The following SCHIP1 variants were observed in gnomAD, a reference collection of about 807,000 sequenced individuals.
SCHIP1 encodes schwannomin interacting protein 1, also known as schwannomin-interacting protein 1.
In SCHIP1, 8 loss-of-function variants were observed where a neutral mutation model predicts 29.7. That is an observed-to-expected ratio of 0.27 (90% CI 0.16 to 0.49). SCHIP1 has a LOEUF of 0.49. Ranked by LOEUF, SCHIP1 falls within the 20% of genes least tolerant of loss-of-function variation. The pLI is 0.99. For missense variants in SCHIP1, 193 were observed against 294.6 expected (o/e 0.66, Z 2.52); for synonymous variants, 76 against 94.9 (o/e 0.80, Z 1.16).
At chr3:159,709,683 C>A in the SCHIP1 span, among the ~76,000 whole-genome samples, 1 of 152,108 alleles carries the variant, frequency 6.6e-6, no homozygotes, top group Non-Finnish European at 1.5e-5. Context: ...TGCAAAATCC[C>A]AAACACACCC....
At chr3:159,895,050 A>G (rs752468654) in intron 6 of SCHIP1, among the ~76,000 whole-genome samples, 7 of 152,198 alleles carry the variant, frequency 4.6e-5, no homozygotes, top group Non-Finnish European at 8.8e-5. Context: ...CTACAGTGGA[A>G]TCAAGTTCAC....
chr3:159,837,608 G>A (rs935488507), upstream of SCHIP1, among the ~76,000 whole-genome samples: 7 of 152,062 alleles, frequency 4.6e-5, no homozygotes, highest in South Asian at 2.1e-4. Context: ...CTGTAGTCCC[G>A]GCTACTCCGG....
the SCHIP1 span, among the ~76,000 whole-genome samples, chr3:159,823,782 G>C: frequency 6.6e-6 from 1 of 152,100 alleles, no homozygotes. Flanking sequence ...ACCTCCGTAG[G>C]CTTTGAAAGG....
the SCHIP1 span, among the ~76,000 whole-genome samples, chr3:159,395,737 C>A: frequency 3.3e-5 from 5 of 151,540 alleles, no homozygotes; most frequent in African/African-American, 1.2e-4. Flanking sequence ...GCTTTACTTC[C>A]AAGTATGTGG....
chr3:159,628,474 A>G, the SCHIP1 span, among the ~76,000 whole-genome samples: 601 of 152,334 alleles, frequency 3.9e-3, 6 homozygotes, highest in African/African-American at 0.014. Context: ...AGTGATGCAG[A>G]TATTGGATTT....
the SCHIP1 span, among the ~76,000 whole-genome samples, chr3:159,795,202 A>G: frequency 1.3e-5 from 2 of 152,162 alleles, no homozygotes; most frequent in Admixed American, 6.5e-5. Flanking sequence ...GTGACCTTAG[A>G]GCAGGATAGA....
chr3:159,690,875 G>T, the SCHIP1 span, among the ~76,000 whole-genome samples: 3 of 152,152 alleles, frequency 2.0e-5, no homozygotes, highest in Admixed American at 6.5e-5. Flanking sequence ...TTCAGGGGCA[G>T]GTTGTTAAGT....
At chr3:159,809,909 G>A in the SCHIP1 span, among the ~76,000 whole-genome samples, 2 of 152,060 alleles carry the variant, frequency 1.3e-5, no homozygotes, top group Non-Finnish European at 2.9e-5. Flanking sequence ...CAGGAGTATC[G>A]CTTGAGCCCA....
chr3:159,448,054 C>G, the SCHIP1 span, among the ~76,000 whole-genome samples: 1 of 152,100 alleles, frequency 6.6e-6, no homozygotes, highest in East Asian at 1.9e-4. Context: ...TTGGCTGGCA[C>G]AAATAACTTC....
At chr3:159,760,562 A>G in the SCHIP1 span, among the ~76,000 whole-genome samples, 2 of 152,212 alleles carry the variant, frequency 1.3e-5, no homozygotes, top group African/African-American at 4.8e-5. Flanking sequence ...TAGTTTCTTC[A>G]TAGGATCGAG....
chr3:159,866,973 T>C (rs1714698302), intron 2 of SCHIP1, among the ~76,000 whole-genome samples: 1 of 152,158 alleles, frequency 6.6e-6, no homozygotes. Flanking sequence ...AAGACTCTGA[T>C]TCAGTAGATC....
At chr3:159,637,256 A>G in the SCHIP1 span, among the ~76,000 whole-genome samples, 1 of 152,184 alleles carries the variant, frequency 6.6e-6, no homozygotes, top group Non-Finnish European at 1.5e-5. Context: ...AAATGTAGAC[A>G]TAAAAAACAA....
chr3:159,496,440 C>A, the SCHIP1 span, among the ~76,000 whole-genome samples: 1,399 of 152,156 alleles, frequency 9.2e-3, 26 homozygotes, highest in African/African-American at 0.032. Context: ...AAAAAGTAAG[C>A]GAAGGATATG....
chr3:159,388,539 A>G, the SCHIP1 span, among the ~76,000 whole-genome samples: 3 of 152,144 alleles, frequency 2.0e-5, no homozygotes, highest in Admixed American at 6.6e-5. Flanking sequence ...CAAAATTCCT[A>G]CAAATCTTTT....
chr3:159,675,991 C>G, the SCHIP1 span, among the ~76,000 whole-genome samples: 1 of 152,038 alleles, frequency 6.6e-6, no homozygotes, highest in Non-Finnish European at 1.5e-5. Flanking sequence ...ATTAGCCAGG[C>G]GTGGTGGCAG....
At chr3:159,701,692 G>A in the SCHIP1 span, among the ~76,000 whole-genome samples, 2 of 151,786 alleles carry the variant, frequency 1.3e-5, no homozygotes, top group Non-Finnish European at 2.9e-5. Flanking sequence ...CATTTTCCTT[G>A]TAATTTGTCT....
the SCHIP1 span, among the ~76,000 whole-genome samples, chr3:159,642,986 G>A: frequency 6.6e-6 from 1 of 152,036 alleles, no homozygotes; most frequent in South Asian, 2.1e-4. Flanking sequence ...GGGAGGTAAA[G>A]GTGAGTAAGC....
chr3:159,696,230 C>T, the SCHIP1 span, among the ~76,000 whole-genome samples: 1 of 152,226 alleles, frequency 6.6e-6, no homozygotes, highest in African/African-American at 2.4e-5. Flanking sequence ...ACCGTACCAT[C>T]CATCCATGCA....
At chr3:159,381,169 G>T in the SCHIP1 span, among the ~76,000 whole-genome samples, 1 of 152,050 alleles carries the variant, frequency 6.6e-6, no homozygotes, top group Non-Finnish European at 1.5e-5. Context: ...AAAAATACCC[G>T]CTCAAACAAG....
Sources: gnomAD v4.1 joint callset for allele counts (sites outside exome capture counted in the v4.1 genomes callset) on GRCh38, gnomAD v4.1.1 for gene constraint, MANE v1.5 for transcripts, NCBI Gene and HGNC (gene_info 2026-07-23, HGNC 2026-07-21) for gene names.